The following GCN1 variants were observed in gnomAD, a reference collection of about 807,000 sequenced individuals.
GCN1 encodes GCN1 activator of EIF2AK4.
A neutral mutation model predicts 288.4 loss-of-function variants in GCN1; 90 were observed. That is an observed-to-expected ratio of 0.31 (90% confidence interval 0.26 to 0.37). GCN1 has a LOEUF of 0.37. Ranked by LOEUF, GCN1 falls within the 10% of genes least tolerant of loss-of-function variation. The probability of loss-of-function intolerance (pLI) is 1.00; values close to 1 mark genes in which losing one functional copy is unlikely to be tolerated. For synonymous variants in GCN1, 1,386 were observed against 1,420.2 expected, an observed-to-expected ratio of 0.98 and a Z score of 0.54; for missense variants, 2,586 against 3,419.9, an observed-to-expected ratio of 0.76 and a Z score of 6.08.
At chr12:120,147,026 C>A in intron 38 of GCN1, 26 bp downstream of exon 38, 1 of 1,432,786 alleles carries the variant, frequency 7.0e-7, no homozygotes, top group East Asian at 2.4e-5. Context: ...TGGTCTATCC[C>A]ACACTAGCCT....
At position 120,180,702 on chromosome 12, in the gene GCN1, C is replaced by T. The variant is rs376527565; in HGVS notation, c.427-1752G>A. On this transcript the variant is annotated intron_variant, in intron 5 of 57. Coordinates refer to ENST00000300648, the MANE Select transcript of GCN1 (RefSeq NM_006836.2). ...CTGCCACCCTCAGAAAACAGATATG[C>T]TTGTGGCCGGGCGCGGTGGCTCACG... 1.9e-4 allele frequency among the ~76,000 whole-genome samples: 28 copies of T among 149,898 alleles called. No homozygotes were observed. The East Asian group carries it at 5.3e-3, about 29-fold the overall frequency.
Position 120,180,392 on chromosome 12 carries a change from G to A in GCN1, c.427-1442C>T, listed in dbSNP as rs181188513. On this transcript the variant is annotated intron_variant, in intron 5 of 57. Transcript: ENST00000300648. ...AACACTTTGGGAGGCTGAGGCAGGC[G>A]GATCACAAGGTCAAGAGATCGAGAC... is the stretch of plus-strand genomic sequence containing the variant. 9.9e-5 allele frequency among the ~76,000 whole-genome samples: 15 copies of A among 151,942 alleles called. No individual in the cohort carries two copies. The South Asian group carries it at 2.3e-3, about 23-fold the overall frequency.
In GCN1 at chr12:120,142,689, T is replaced by C; in HGVS notation, c.5647A>G (p.Asn1883Asp). The C allele has an allele frequency of 1.2e-6, 2 of 1,614,052 alleles. No individual in the cohort carries two copies. The highest frequency in any genetic ancestry group is 1.7e-6 in the Non-Finnish European group (2 of 1,180,024). ...ATGTACAGCCCTGCCAACACCCGGT[T>C]CCGCCGCTCTACCCCCAGGGCAGTG... is the stretch of plus-strand genomic sequence containing the variant. ...IITALGVERR[N>D]RVLAGLYMGR... is the part of the protein sequence containing the mutation. The change falls in exon 44 of 58, where the codon AAC becomes GAC. Residue 1883 changes from asparagine to aspartate, a missense_variant. By Grantham distance (23) the Asn-to-Asp change is conservative (BLOSUM62 1). Around this residue, in one of 8 missense-constraint regions of GCN1, gnomAD observed 437 missense variants for 570.5 expected, o/e 0.77. Transcript: ENST00000300648. This position sits in a 1 kb window ranked among gnomAD's most constrained non-coding sequence, Gnocchi z 4.9.
chr12:120,176,035 G>T (rs1300432710), intron 10 of GCN1, 108 bp downstream of exon 10: 5 of 1,247,906 alleles, frequency 4.0e-6, no homozygotes, highest in African/African-American at 3.0e-5. Context: ...TTAGGTTAGG[G>T]CCTTATTACT....
At chr12:120,143,078 T>C in intron 42 of GCN1, 137 bp from the exon 43 acceptor site, 1 of 549,422 alleles carries the variant, frequency 1.8e-6, no homozygotes, top group Non-Finnish European at 3.3e-6. Context: ...AGTCAGGTGG[T>C]TTACATTTCT....
Position 120,155,750 on chromosome 12 carries a change from C to G in GCN1, c.3313-31G>C. The G allele has an allele frequency of 6.2e-7, 1 of 1,612,506 alleles. No individual in the cohort carries two copies. The highest frequency in any genetic ancestry group is 2.2e-5 in the East Asian group (1 of 44,868). ...AGGGGTGGGATTGGACCGTGTGAGG[C>G]ATCATCTTTCAGAAGAGCCTCTGAC... On this transcript the variant is annotated intron_variant, in intron 28 of 57. Coordinates refer to ENST00000300648, the MANE Select transcript of GCN1 (RefSeq NM_006836.2). This position sits in a 1 kb window ranked among gnomAD's most constrained non-coding sequence, Gnocchi z 4.9.
Position 120,141,003 on chromosome 12 carries a change from T to A in GCN1, c.5850A>T (p.Gly1950=), listed in dbSNP as rs1179717316. 3.1e-6 allele frequency: 5 copies of A among 1,613,342 alleles called. No individual in the cohort carries two copies. Among genetic ancestry groups the A allele is most frequent in the Non-Finnish European group, 4.2e-6 (5 of 1,179,728 alleles). ...DKRTIAARTL[G]DLVRKLGEKI... is the part of the protein sequence containing the mutation. Reference sequence around the variant, plus strand: ...TCTCCCCTAACTTCCGCACAAGATCTCCCAATGTTCTCGCTGCAATCTGTC... The same window carrying A: ...TCTCCCCTAACTTCCGCACAAGATCACCCAATGTTCTCGCTGCAATCTGTC... The change falls in exon 45 of 58, where the codon GGA becomes GGT. Residue 1950 remains glycine (G), a synonymous_variant. Coordinates refer to ENST00000300648, the MANE Select transcript of GCN1 (RefSeq NM_006836.2).
At chr12:120,163,575 G>A (rs1198149881) in intron 18 of GCN1, among the ~76,000 whole-genome samples, 1 of 152,188 alleles carries the variant, frequency 6.6e-6, no homozygotes, top group African/African-American at 2.4e-5. Context: ...TTGGGAGGGA[G>A]GGAAGCAGTG....
chr12:120,158,479 C>A lies in GCN1; in HGVS notation c.2886G>T (p.Arg962Ser). 1 of 1,555,544 alleles carries A rather than the reference C, an allele frequency of 6.4e-7. No individual in the cohort carries two copies. The highest frequency in any genetic ancestry group is 2.4e-5 in the East Asian group (1 of 41,364). ...CCTTACCTGGCTCCCCCTTGCCCACCCTGCTGGTGATGGTGTGGGTGTGCA... is the reference window on the plus strand; with the variant it reads ...CCTTACCTGGCTCCCCCTTGCCCACACTGCTGGTGATGGTGTGGGTGTGCA... ...MLLHTHTITS[R>S]VGKGEPGAAP... Residue 962 changes from arginine to serine, a missense_variant, in exon 25 of 58, where the codon AGG becomes AGT. Around this residue, in one of 8 missense-constraint regions of GCN1, gnomAD observed 153 missense variants for 252.0 expected, o/e 0.61. Coordinates refer to ENST00000300648, the MANE Select transcript of GCN1 (RefSeq NM_006836.2). The surrounding 1 kb of genome is among the most constrained non-coding windows in gnomAD (Gnocchi z 4.3).
chr12:120,170,094 C>T (rs966975297), intron 15 of GCN1, 75 bp downstream of exon 15: 1 of 1,350,462 alleles, frequency 7.4e-7, no homozygotes, highest in Non-Finnish European at 1.1e-6. Context: ...TAATCCTGAA[C>T]ATCAAGACAC....
In GCN1 at chr12:120,184,831, G is replaced by A. The variant is rs749666249; in HGVS notation, c.178C>T (p.Arg60Ter). 3 of 1,608,540 alleles carry A rather than the reference G, an allele frequency of 1.9e-6. No homozygotes were observed. Among genetic ancestry groups the A allele is most frequent in the East Asian group, 2.2e-5 (1 of 44,838 alleles). The change falls in exon 3 of 58, where the codon CGA (arginine) becomes TGA (stop). Residue 60 changes from arginine (R) to a stop codon, truncating the protein, a stop_gained. Coordinates refer to ENST00000300648, the MANE Select transcript of GCN1 (RefSeq NM_006836.2). LOFTEE classifies it high-confidence loss of function. ...LCKLFCLTLH[R>*]YRDAASRRAL... is the part of the protein sequence containing the mutation. ...CCTTTGGCTGGGACTCACCTATATCGATGCAGAGTCAAGCAGAACAATTTG... is the reference window on the plus strand; with the variant it reads ...CCTTTGGCTGGGACTCACCTATATCAATGCAGAGTCAAGCAGAACAATTTG...
At chr12:120,177,377 T>G (rs1878514288) in intron 9 of GCN1, 70 bp downstream of exon 9, 1 of 771,842 alleles carries the variant, frequency 1.3e-6, no homozygotes, top group Non-Finnish European at 2.3e-6. Flanking sequence ...CACTTCTTGT[T>G]GCCAAATATC....
Position 120,155,360 on chromosome 12 carries a change from G to A in GCN1, c.3511C>T (p.His1171Tyr), listed in dbSNP as rs770037349. The change falls in exon 30 of 58, where the codon CAT becomes TAT. Residue 1171 changes from histidine (H) to tyrosine (Y), a missense_variant. His to Tyr is a moderately conservative substitution (Grantham distance 83, BLOSUM62 2). Transcript: ENST00000300648. The surrounding 1 kb of genome is among the most constrained non-coding windows in gnomAD (Gnocchi z 4.9). ...CCTGCCTGCCTTACAGCCGCCTCAT[G>A]ATAGATCACGTCGTCAATCAGCAAG... is the stretch of plus-strand genomic sequence containing the variant. ...CSLLIDDVIYHEAAVRQAGAE... is the reference protein window; with the variant it reads ...CSLLIDDVIYYEAAVRQAGAE... 4 of 1,614,154 alleles carry A rather than the reference G, an allele frequency of 2.5e-6. No individual in the cohort carries two copies. Among genetic ancestry groups the A allele is most frequent in the Admixed American group, 1.7e-5 (1 of 60,022 alleles).
intron 45 of GCN1, 117 bp from the exon 46 acceptor site, chr12:120,138,973 C>T (rs1877101960): frequency 2.5e-6 from 2 of 801,380 alleles, no homozygotes; most frequent in African/African-American, 1.7e-5. Context: ...CTCTCTTTGC[C>T]TGACTTGTCT....
chr12:120,186,725 A>G (rs141435007), intron 2 of GCN1, among the ~76,000 whole-genome samples: 38 of 152,348 alleles, frequency 2.5e-4, no homozygotes, highest in Middle Eastern at 6.8e-3. Context: ...GACAATGACA[A>G]TAACAGCTAA....
At chr12:120,135,295 T>C (rs1006834798) in intron 51 of GCN1, among the ~76,000 whole-genome samples, 3 of 152,138 alleles carry the variant, frequency 2.0e-5, no homozygotes, top group Non-Finnish European at 4.4e-5. Flanking sequence ...CCCCTGACTA[T>C]ACAGAAACAC....
intron 5 of GCN1, among the ~76,000 whole-genome samples, chr12:120,179,994 A>G (rs551456168): frequency 1.3e-5 from 2 of 152,238 alleles, no homozygotes; most frequent in East Asian, 3.9e-4. Context: ...GACATACATA[A>G]TAGGTCCTTG....
Position 120,158,550 on chromosome 12 carries a change from A to C in GCN1, c.2815T>G (p.Cys939Gly), listed in dbSNP as rs922052959. ...KPECVLDKSW[C>G]QEELSVAVKR... ...ACAGCCACCGACAGCTCTTCCTGGC[A>C]CCAGGACTTATCCAGGACACACTCT... is the stretch of plus-strand genomic sequence containing the variant. The change falls in exon 25 of 58, where the codon TGC (cysteine) becomes GGC (glycine). Residue 939 changes from cysteine to glycine, a missense_variant. Physicochemically the swap from Cys to Gly is radical, Grantham distance 159. Transcript: ENST00000300648. The surrounding 1 kb of genome is among the most constrained non-coding windows in gnomAD (Gnocchi z 4.3). 1.9e-6 allele frequency: 3 copies of C among 1,602,812 alleles called. No individual in the cohort carries two copies. In the African/African-American group the frequency reaches 4.0e-5, roughly 21 times the overall value.
chr12:120,191,119 G>A (rs956685119), intron 1 of GCN1, among the ~76,000 whole-genome samples: 2 of 152,116 alleles, frequency 1.3e-5, no homozygotes, highest in Non-Finnish European at 2.9e-5. Flanking sequence ...CAAAAAGTTG[G>A]CTACTACTAC....
Sources: gnomAD v4.1 joint callset for allele counts (sites outside exome capture counted in the v4.1 genomes callset) on GRCh38, gnomAD v4.1.1 for gene constraint, gnomAD v4.1.1 regional missense constraint, Gnocchi (gnomAD v3.1) non-coding constraint, MANE v1.5 for transcripts, NCBI Gene and HGNC (gene_info 2026-07-23, HGNC 2026-07-21) for gene names.